Variants in PTPRD observed in about 807,000 individuals in gnomAD.
The protein encoded by PTPRD is receptor-type tyrosine-protein phosphatase delta.
Under a neutral mutation model 214.5 loss-of-function variants are expected in PTPRD, and 34 were observed. The ratio of observed to expected loss-of-function variants is 0.16; its 90% CI spans 0.12 to 0.21. PTPRD has a LOEUF of 0.21. Among genes scored for constraint, PTPRD ranks in the 10% least tolerant of loss-of-function variants. PTPRD has a pLI of 1.00. For missense variants in PTPRD, 2,545 were observed against 2,398.7 expected (o/e 1.06, Z -1.27); for synonymous variants, 1,128 against 845.7 (o/e 1.33, Z -5.79).
At chr9:9,875,720 C>T (rs2066658228) in intron 5 of PTPRD, among the ~76,000 whole-genome samples, 1 of 152,078 alleles carries the variant, frequency 6.6e-6, no homozygotes, top group African/African-American at 2.4e-5. Context: ...GAACTAAAAG[C>T]AGAGTATTTG....
At chr9:10,604,820 G>A (rs946957551) in intron 2 of PTPRD, among the ~76,000 whole-genome samples, 2 of 151,762 alleles carry the variant, frequency 1.3e-5, no homozygotes, top group East Asian at 3.9e-4. Flanking sequence ...ATTACAAATG[G>A]GAAATATTTT....
At chr9:10,443,118 T>C (rs1254445957) in intron 2 of PTPRD, among the ~76,000 whole-genome samples, 2 of 150,994 alleles carry the variant, frequency 1.3e-5, no homozygotes, top group Non-Finnish European at 3.0e-5. Flanking sequence ...TGGATGGTGT[T>C]TGTGTTTTTT....
At chr9:10,394,263 G>A (rs1179837159) in intron 2 of PTPRD, among the ~76,000 whole-genome samples, 1 of 146,412 alleles carries the variant, frequency 6.8e-6, no homozygotes, top group Non-Finnish European at 1.5e-5. Flanking sequence ...ATAACCATTT[G>A]TCTTATATAA....
At chr9:9,365,194 A>C in intron 9 of PTPRD, among the ~76,000 whole-genome samples, 1 of 151,652 alleles carries the variant, frequency 6.6e-6, no homozygotes, top group Middle Eastern at 3.4e-3. Context: ...AAATTGTTCT[A>C]TGTTACAGGG....
At chr9:10,218,435 C>A (rs757223798) in intron 3 of PTPRD, among the ~76,000 whole-genome samples, 35 of 151,650 alleles carry the variant, frequency 2.3e-4, no homozygotes, top group Admixed American at 6.6e-4. Flanking sequence ...CTTATGGGGG[C>A]AGCATTACTT....
chr9:9,258,820 T>C (rs999557724), intron 9 of PTPRD, among the ~76,000 whole-genome samples: 1 of 151,844 alleles, frequency 6.6e-6, no homozygotes, highest in Non-Finnish European at 1.5e-5. Flanking sequence ...GTAAGCATAT[T>C]TGAACTTCAA....
At chr9:8,791,110 G>A (rs900744392) in intron 11 of PTPRD, among the ~76,000 whole-genome samples, 2 of 152,158 alleles carry the variant, frequency 1.3e-5, no homozygotes, top group African/African-American at 4.8e-5. Flanking sequence ...AAAGGCAGAA[G>A]AAAGTAGAAT....
chr9:9,935,487 G>C (rs928364429), intron 5 of PTPRD, among the ~76,000 whole-genome samples: 1 of 152,044 alleles, frequency 6.6e-6, no homozygotes, highest in Admixed American at 6.5e-5. Flanking sequence ...TTGCTTCAAA[G>C]AGAATAAAAT....
rs146745938 is a variant in PTPRD, at chr9:9,946,291, T to C, written c.-471-7681A>G. Among the ~76,000 whole-genome samples, 735 of 152,256 alleles carry C rather than the reference T, an allele frequency of 4.8e-3. 6 individuals carry two copies. Among genetic ancestry groups the C allele is most frequent in the African/African-American group, 0.017 (710 of 41,564 alleles). ...TGGTACTCAATACTTGCTTATTTAATGAATGGGTAAAAATGTGTGGACAAT... is the reference window on the plus strand; with the variant it reads ...TGGTACTCAATACTTGCTTATTTAACGAATGGGTAAAAATGTGTGGACAAT... On this transcript the variant is annotated intron_variant, in intron 4 of 45. Coordinates refer to ENST00000381196, the MANE Select transcript of PTPRD (RefSeq NM_002839.4).
intron 7 of PTPRD, among the ~76,000 whole-genome samples, chr9:9,588,455 A>T (rs962224414): frequency 6.6e-6 from 1 of 151,984 alleles, no homozygotes; most frequent in African/African-American, 2.4e-5. Context: ...GGGGGTAATG[A>T]AAGTCATAGC....
chr9:8,935,659 A>T (rs1379167056), intron 11 of PTPRD, among the ~76,000 whole-genome samples: 1 of 151,714 alleles, frequency 6.6e-6, no homozygotes, highest in Non-Finnish European at 1.5e-5. Context: ...GAACGTGTGC[A>T]GTTTGCTTCA....
At chr9:8,806,770 T>C (rs1286051702) in intron 11 of PTPRD, among the ~76,000 whole-genome samples, 2 of 152,180 alleles carry the variant, frequency 1.3e-5, no homozygotes, top group African/African-American at 4.8e-5. Flanking sequence ...GATACTTAGA[T>C]TACTGTTAGA....
chr9:8,920,978 T>G (rs958304855), intron 11 of PTPRD, among the ~76,000 whole-genome samples: 10 of 152,100 alleles, frequency 6.6e-5, no homozygotes, highest in African/African-American at 2.2e-4. Flanking sequence ...CACGCCAGGC[T>G]TACTTTTGTA....
At chr9:10,105,461 A>G (rs1347747637) in intron 3 of PTPRD, among the ~76,000 whole-genome samples, 1 of 151,804 alleles carries the variant, frequency 6.6e-6, no homozygotes, top group Non-Finnish European at 1.5e-5. Flanking sequence ...ATGGGATTAG[A>G]AGGTAAGAAA....
chr9:9,891,374 C>CTT (rs35668805), intron 5 of PTPRD, among the ~76,000 whole-genome samples: 29 of 142,004 alleles, frequency 2.0e-4, no homozygotes, highest in South Asian at 9.2e-4. Context: ...AAAACATACA[C>CTT]TTTTTTTTTT....
chr9:10,069,975 C>T (rs888764878), intron 3 of PTPRD, among the ~76,000 whole-genome samples: 4 of 151,968 alleles, frequency 2.6e-5, no homozygotes, highest in Non-Finnish European at 5.9e-5. Context: ...GTGCCATGAA[C>T]ACACTGATTA....
intron 3 of PTPRD, among the ~76,000 whole-genome samples, chr9:10,179,782 G>T (rs2099271154): frequency 6.6e-6 from 1 of 151,998 alleles, no homozygotes; most frequent in African/African-American, 2.4e-5. Context: ...ATTCAACCTA[G>T]CCAGTCTGGC....
intron 3 of PTPRD, among the ~76,000 whole-genome samples, chr9:10,104,825 T>G (rs1238414212): frequency 6.6e-6 from 1 of 151,834 alleles, no homozygotes; most frequent in Non-Finnish European, 1.5e-5. Flanking sequence ...AGCAACAGCT[T>G]TATACTGGTC....
chr9:9,955,638 C>A (rs961699172), intron 4 of PTPRD, among the ~76,000 whole-genome samples: 7 of 151,912 alleles, frequency 4.6e-5, no homozygotes, highest in Non-Finnish European at 1.0e-4. Context: ...ATTCTCCTGC[C>A]TCAGCCTCCC....
Sources: gnomAD v4.1 joint callset for allele counts (sites outside exome capture counted in the v4.1 genomes callset) on GRCh38, gnomAD v4.1.1 for gene constraint, MANE v1.5 for transcripts, NCBI Gene and HGNC (gene_info 2026-07-23, HGNC 2026-07-21) for gene names.